Variants in ZZZ3 observed in about 807,000 individuals in gnomAD.
The protein encoded by ZZZ3 is zinc finger ZZ-type containing 3, also known as ZZ-type zinc finger-containing protein 3.
Under a neutral mutation model 95.2 loss-of-function variants are expected in ZZZ3, and 22 were observed. The observed-to-expected ratio is 0.23, with a 90% CI of 0.17 to 0.33. ZZZ3 has a LOEUF of 0.33. ZZZ3 is among the 10% of genes least tolerant of loss of function. ZZZ3 has a pLI of 1.00. For missense variants in ZZZ3, 885 were observed against 1,066.5 expected (o/e 0.83, Z 2.37); for synonymous variants, 335 against 358.9 (o/e 0.93, Z 0.75).
At chr1:77,626,392 T>C (rs1422982159) in intron 5 of ZZZ3, among the ~76,000 whole-genome samples, 1 of 152,180 alleles carries the variant, frequency 6.6e-6, no homozygotes, top group Non-Finnish European at 1.5e-5. Flanking sequence ...TAATGTAGAA[T>C]CAGTGGGAGC....
intron 8 of ZZZ3, among the ~76,000 whole-genome samples, chr1:77,581,552 T>C (rs138973564): frequency 1.8e-4 from 28 of 152,316 alleles, no homozygotes; most frequent in African/African-American, 6.0e-4. Context: ...CTACATTTTA[T>C]ACAAAAGGAA....
intron 5 of ZZZ3, among the ~76,000 whole-genome samples, chr1:77,593,314 T>C (rs1181974030): frequency 6.6e-6 from 1 of 152,196 alleles, no homozygotes; most frequent in Non-Finnish European, 1.5e-5. Context: ...CATATGTTCA[T>C]AGCAGCCTTA....
Sources: allele counts gnomAD v4.1 joint callset (sites outside exome capture counted in the v4.1 genomes callset), GRCh38; gene constraint gnomAD v4.1.1; transcripts MANE v1.5; gene names NCBI Gene and HGNC (gene_info 2026-07-23, HGNC 2026-07-21).